The following ALKBH7 variants were observed in gnomAD, a reference collection of about 807,000 sequenced individuals.
ALKBH7 encodes RNA demethylase ALKBH7, mitochondrial.
In ALKBH7, 21 loss-of-function variants were observed where a neutral mutation model predicts 19.3. The ratio of observed to expected loss-of-function variants is 1.09; its 90% CI spans 0.77 to 1.56. The LOEUF (loss-of-function observed/expected upper bound fraction) is 1.56. ALKBH7 is among the 40% of genes most tolerant of loss of function. The pLI, the probability that ALKBH7 is intolerant of heterozygous loss-of-function variation, is 0.00. For missense variants in ALKBH7, 354 were observed against 311.4 expected (o/e 1.14, Z -1.03); for synonymous variants, 147 against 139.5 (o/e 1.05, Z -0.38).
rs1000359758 is a variant in ALKBH7 at position 6,374,657 on chromosome 19, CT to C, written c.503+71del. The C allele has an allele frequency of 1.2e-4, 199 of 1,609,244 alleles. 1 individual carries two copies. In the African/African-American group the frequency reaches 2.4e-3, roughly 20 times the overall value. ...ATCCGCCCACCCTGTGCCCTGGGTA[CT>C]TTCCCTCAATCCAGCCCTCCCCGAA... On this transcript the variant is annotated intron_variant, in intron 3 of 3. Coordinates refer to ENST00000245812, the MANE Select transcript of ALKBH7 (RefSeq NM_032306.4).
chr19:6,374,213 G>T lies in ALKBH7; in HGVS notation c.215G>T (p.Gly72Val). 6.2e-7 allele frequency: 1 copy of T among 1,613,020 alleles called. No individual in the cohort carries two copies. Among genetic ancestry groups the T allele is most frequent in the Non-Finnish European group, 8.5e-7 (1 of 1,179,720 alleles). Residue 72 changes from glycine (G) to valine (V), a missense_variant, in exon 2 of 4, where the codon GGC (glycine) becomes GTC (valine). Gly to Val is a moderately radical substitution (Grantham distance 109). Transcript: ENST00000245812. ...GAGCTCTCTGTGCAGGCCATCCACG[G>T]CTTCCGAGAGACAGAGAAGTCGCGC... is the stretch of plus-strand genomic sequence containing the variant. ...EYDHWDAAIH[G>V]FRETEKSRWS... is the part of the protein sequence containing the mutation.
At position 6,373,657 on chromosome 19, in the gene ALKBH7, A is replaced by T. The variant is rs374376077; in HGVS notation, c.205-546A>T. ...GGCCATGCTGTGGGGGGGACGGGGA[A>T]GTCGAGGTTTAGAGAGGGCAGAACC... On this transcript the variant is annotated intron_variant, in intron 1 of 3. Transcript: ENST00000245812. 9 of 1,183,438 alleles carry T rather than the reference A, an allele frequency of 7.6e-6. No individual in the cohort carries two copies. The South Asian group carries it at 2.4e-4, about 31-fold the overall frequency. 73.3% of individuals were successfully genotyped at this position (1,183,438 alleles called of 1,614,324 possible). A position where few individuals can be genotyped will look rare whatever the true frequency, so the allele number is the denominator to read the frequency against.
At position 6,375,080 on chromosome 19, in the gene ALKBH7, C is replaced by T; in HGVS notation, c.*107C>T. On this transcript the variant is annotated 3_prime_UTR_variant, in exon 4 of 4. Coordinates refer to ENST00000245812, the MANE Select transcript of ALKBH7 (RefSeq NM_032306.4). ...GCTGGGGCCGGGATTTGCAGGGGAA[C>T]CCAGGATGGCACTGGCCCATAGGGA... 1.4e-6 allele frequency: 2 copies of T among 1,435,354 alleles called. No individual in the cohort carries two copies. Among genetic ancestry groups the T allele is most frequent in the South Asian group, 1.4e-5 (1 of 70,690 alleles). The allele number at this position is 1,435,354 out of a possible 1,614,324, so 88.9% of individuals were successfully genotyped here.
Position 6,375,187 on chromosome 19 carries a change from C to G in ALKBH7, c.*214C>G, listed in dbSNP as rs966667713. 3 of 1,308,382 alleles carry G rather than the reference C, an allele frequency of 2.3e-6. No individual in the cohort carries two copies. Among genetic ancestry groups the G allele is most frequent in the Admixed American group, 6.7e-5 (2 of 29,822 alleles). 81.0% of individuals were successfully genotyped at this position (1,308,382 alleles called of 1,614,324 possible). A position where few individuals can be genotyped will look rare whatever the true frequency, so the allele number is the denominator to read the frequency against. On this transcript the variant is annotated 3_prime_UTR_variant, in exon 4 of 4. Transcript: ENST00000245812. The stretch of plus-strand genomic sequence containing the variant: ...GTCCTTTATTGCACTCACTGCTGGT[C>G]GCCCCAGCCCACTCCCCTCCTCGTT...
Position 6,374,474 on chromosome 19 carries a change from G to A in ALKBH7, c.388G>A (p.Ala130Thr). The A allele has an allele frequency of 1.2e-6, 2 of 1,613,718 alleles. No homozygotes were observed. Among genetic ancestry groups the A allele is most frequent in the Non-Finnish European group, 1.7e-6 (2 of 1,179,850 alleles). ...PHVDSIKFCG[A>T]TIAGLSLLSP... is the part of the protein sequence containing the mutation. ...CACGCCTCTTTTGCAGTTCTGCGGG[G>A]CCACCATCGCCGGCCTGTCTCTCCT... is the stretch of plus-strand genomic sequence containing the variant. Residue 130 changes from alanine to threonine, a missense_variant, in exon 3 of 4, where the codon GCC becomes ACC. Coordinates refer to ENST00000245812, the MANE Select transcript of ALKBH7 (RefSeq NM_032306.4).
At position 6,374,389 on chromosome 19, in the gene ALKBH7, C is replaced by T. The variant is rs1004126191; in HGVS notation, c.378+13C>T. 4 of 1,604,326 alleles carry T rather than the reference C, an allele frequency of 2.5e-6. No individual in the cohort carries two copies. Among genetic ancestry groups the T allele is most frequent in the Non-Finnish European group, 2.6e-6 (3 of 1,174,628 alleles). On this transcript the variant is annotated intron_variant, in intron 2 of 3. Transcript: ENST00000245812. ...GGACAGCATCAAGGTGGGCAGAGGA[C>T]GGTGCCTTGGCACTCCCAGCCAGGG...
rs1053204713 is a variant in ALKBH7, at chr19:6,374,086, A to G, written c.205-117A>G. 6.5e-6 allele frequency: 10 copies of G among 1,548,546 alleles called. No homozygotes were observed. The African/African-American group carries it at 1.3e-4, about 19-fold the overall frequency. On this transcript the variant is annotated intron_variant, in intron 1 of 3. Coordinates refer to ENST00000245812, the MANE Select transcript of ALKBH7 (RefSeq NM_032306.4). The stretch of plus-strand genomic sequence containing the variant: ...TGAGGGGCTAGGGGAGTTTGAGTTG[A>G]GGGCAGGGTCAAGAGTCACATAGGG...
chr19:6,373,598 G>C, intron 1 of ALKBH7: 2 of 1,225,888 alleles, frequency 1.6e-6, no homozygotes, highest in Non-Finnish European at 2.0e-6. Context: ...AGCTTGGGGC[G>C]GGGTCCGTGG....
rs776162749 is a variant in ALKBH7 at position 6,373,041 on chromosome 19, C to CGGGGGCG, written c.204+18_204+24dup. On this transcript the variant is annotated intron_variant, in intron 1 of 3. Transcript: ENST00000245812. ...TGGGACGCGGTGAGACCGGCAGCGC[C>CGGGGGCG]GGGGGCGAGGGACGGGGGCTCGTCG... The CGGGGGCG allele has an allele frequency of 1.1e-4, 168 of 1,549,308 alleles. 5 individuals are homozygous for CGGGGGCG. Among genetic ancestry groups the CGGGGGCG allele is most frequent in the South Asian group, 9.6e-4 (81 of 84,288 alleles).
In ALKBH7 at chr19:6,375,210, G is replaced by T; in HGVS notation, c.*237G>T. 1 of 1,359,594 alleles carries T rather than the reference G, an allele frequency of 7.4e-7. No homozygotes were observed. The highest frequency in any genetic ancestry group is 1.7e-5 in the South Asian group (1 of 59,514). The allele number at this position is 1,359,594 out of a possible 1,614,324, so 84.2% of individuals were successfully genotyped here. A position where few individuals can be genotyped will look rare whatever the true frequency, so the allele number is the denominator to read the frequency against. ...GTCGCCCCAGCCCACTCCCCTCCTC[G>T]TTGTCTCTGCATCCAGGTCTCCAAT... On this transcript the variant is annotated 3_prime_UTR_variant, in exon 4 of 4. Transcript: ENST00000245812.
intron 3 of ALKBH7, 97 bp downstream of exon 3, chr19:6,374,686 C>T (rs188088875): frequency 3.7e-6 from 6 of 1,603,776 alleles, no homozygotes; most frequent in African/African-American, 2.7e-5. Flanking sequence ...TCCCCGAAGA[C>T]GCCTTTACCC....
At chr19:6,373,270 T>C (rs1440694347) in intron 1 of ALKBH7, among the ~76,000 whole-genome samples, 1 of 39,378 alleles carries the variant, frequency 2.5e-5, no homozygotes, top group Non-Finnish European at 4.7e-5. Context: ...GGCGCAGGGA[T>C]GGGGCGGGGC....
intron 1 of ALKBH7, chr19:6,373,964 C>T: frequency 1.0e-6 from 1 of 984,776 alleles, no homozygotes; most frequent in Non-Finnish European, 1.2e-6. Context: ...GAGATTCAGC[C>T]AATTGAATGC....
rs931104283 is a variant in ALKBH7 at position 6,373,776 on chromosome 19, T to C, written c.205-427T>C. On this transcript the variant is annotated intron_variant, in intron 1 of 3. Coordinates refer to ENST00000245812, the MANE Select transcript of ALKBH7 (RefSeq NM_032306.4). The stretch of plus-strand genomic sequence containing the variant: ...TTGCAGGGATTTGGGAGCTGGGCTA[T>C]GGTGGGGGCTGGGCTGAAACTCTGG... 1.1e-5 allele frequency: 12 copies of C among 1,056,056 alleles called. No individual in the cohort carries two copies. In the African/African-American group the frequency reaches 1.6e-4, roughly 14 times the overall value. The allele number at this position is 1,056,056 out of a possible 1,614,324, so 65.4% of individuals were successfully genotyped here. A position where few individuals can be genotyped will look rare whatever the true frequency, so the allele number is the denominator to read the frequency against.
At chr19:6,374,748 C>G (rs1445001949) in intron 3 of ALKBH7, 63 bp from the exon 4 acceptor site, 1 of 1,594,456 alleles carries the variant, frequency 6.3e-7, no homozygotes, top group Non-Finnish European at 8.6e-7. Context: ...GGCTGGAATC[C>G]AGGTCTGCCT....
In ALKBH7 at chr19:6,374,542, GGA is replaced by G; in HGVS notation, c.458_459del (p.Glu153ValfsTer15). The stretch of plus-strand genomic sequence containing the variant: ...GGCTGGTGCACACCCAGGAGCCGGG[GGA>G]GTGGCTGGAACTCTTGCTGGAGCCG... ...MRLVHTQEPG[E>X]WLELLLEPGS... On this transcript the variant is annotated frameshift_variant, in exon 3 of 4. Coordinates refer to ENST00000245812, the MANE Select transcript of ALKBH7 (RefSeq NM_032306.4). LOFTEE classifies it high-confidence loss of function. 1 of 1,613,884 alleles carries G rather than the reference GGA, an allele frequency of 6.2e-7. No homozygotes were observed. Among genetic ancestry groups the G allele is most frequent in the Non-Finnish European group, 8.5e-7 (1 of 1,179,962 alleles).
intron 3 of ALKBH7, 28 bp downstream of exon 3, chr19:6,374,617 C>T: frequency 6.2e-7 from 1 of 1,612,252 alleles, no homozygotes; most frequent in East Asian, 2.2e-5. Context: ...GCACCCACCC[C>T]TCCAAGAATG....
chr19:6,373,402 A>C (rs1185011703), intron 1 of ALKBH7: 6 of 124,876 alleles, frequency 4.8e-5, no homozygotes, highest in East Asian at 1.3e-4. Context: ...AGTGGGGACC[A>C]GTGCTGGGAT....
In ALKBH7 at chr19:6,372,946, G is replaced by A. The variant is rs767550141; in HGVS notation, c.126G>A (p.Thr42=). The A allele has an allele frequency of 1.3e-6, 2 of 1,572,090 alleles. No homozygotes were observed. Among genetic ancestry groups the A allele is most frequent in the Non-Finnish European group, 1.7e-6 (2 of 1,161,682 alleles). The stretch of plus-strand genomic sequence containing the variant: ...TGGTGCGGCCTGGCTTCCTGAGCAC[G>A]GCAGAGGAGGAGACGCTGAGCCGAG... ...AAVVRPGFLS[T]AEEETLSREL... The change falls in exon 1 of 4, where the codon ACG becomes ACA. Residue 42 remains threonine (T), a synonymous_variant. Transcript: ENST00000245812.
Sources: gnomAD v4.1 joint callset for allele counts (sites outside exome capture counted in the v4.1 genomes callset) on GRCh38, gnomAD v4.1.1 for gene constraint, MANE v1.5 for transcripts, NCBI Gene and HGNC (gene_info 2026-07-23, HGNC 2026-07-21) for gene names.